The following ALKBH8 variants were observed in gnomAD, a reference collection of about 807,000 sequenced individuals.
The protein encoded by ALKBH8 is alkB homolog 8, tRNA methyltransferase.
In ALKBH8, 36 loss-of-function variants were observed where a neutral mutation model predicts 59.8. The ratio of observed to expected loss-of-function variants is 0.60; its 90% CI spans 0.46 to 0.79. The LOEUF is 0.79. Among genes scored for constraint, ALKBH8 ranks in the 30% least tolerant of loss-of-function variants. The probability of loss-of-function intolerance (pLI) is 0.00; values close to 1 mark genes in which losing one functional copy is unlikely to be tolerated. For synonymous variants in ALKBH8, 276 were observed against 273.6 expected (o/e 1.01, Z -0.09); for missense variants, 768 against 801.0 (o/e 0.96, Z 0.50).
chr11:107,533,320 AG>A (rs1863674235), intron 7 of ALKBH8, among the ~76,000 whole-genome samples: 1 of 152,228 alleles, frequency 6.6e-6, no homozygotes, highest in Non-Finnish European at 1.5e-5. Context: ...AATTCAGCAT[AG>A]TACCTTCCTT....
chr11:107,510,422 A>AG (rs1862573301), intron 11 of ALKBH8, among the ~76,000 whole-genome samples: 1 of 152,216 alleles, frequency 6.6e-6, no homozygotes, highest in Admixed American at 6.5e-5. Context: ...CAGGAAAGGA[A>AG]GAAAAACAGA....
intron 10 of ALKBH8, 55 bp downstream of exon 10, chr11:107,522,244 T>G: frequency 6.6e-7 from 1 of 1,525,562 alleles, no homozygotes. Flanking sequence ...GGAAGAAAGA[T>G]GATGATAACC....
At chr11:107,562,090 G>A (rs1021131456) in intron 1 of ALKBH8, among the ~76,000 whole-genome samples, 1 of 152,074 alleles carries the variant, frequency 6.6e-6, no homozygotes, top group East Asian at 1.9e-4. Flanking sequence ...TTGAGGTCAG[G>A]AGTTCAAGAC....
At chr11:107,524,784 T>C (rs1056829000) in intron 9 of ALKBH8, among the ~76,000 whole-genome samples, 1 of 152,160 alleles carries the variant, frequency 6.6e-6, no homozygotes, top group East Asian at 1.9e-4. Flanking sequence ...TGTTGGTAGA[T>C]ACCACCCATA....
At chr11:107,559,796 T>G (rs772959250) in intron 2 of ALKBH8, among the ~76,000 whole-genome samples, 8 of 152,194 alleles carry the variant, frequency 5.3e-5, no homozygotes, top group Admixed American at 6.5e-5. Context: ...AGACTGCTCA[T>G]TCTCAAGCTA....
In ALKBH8 at chr11:107,551,846, G is replaced by A. The variant is rs746406369; in HGVS notation, c.662C>T (p.Pro221Leu). 6.4e-7 allele frequency: 1 copy of A among 1,554,172 alleles called. No individual in the cohort carries two copies. Among genetic ancestry groups the A allele is most frequent in the Non-Finnish European group, 8.6e-7 (1 of 1,157,044 alleles). ...ATACTGATTTATGGTCATTTGATCA[G>A]GTTTATGTTTAATGTAACCTTTCCT... is the stretch of plus-strand genomic sequence containing the variant. Reference protein sequence around the residue: ...WLRKGYIKHKPDQMTINQYEP... With the variant: ...WLRKGYIKHKLDQMTINQYEP... The change falls in exon 6 of 12, where the codon CCT (proline) becomes CTT (leucine). Residue 221 changes from proline to leucine, a missense_variant. Physicochemically the swap from Pro to Leu is moderately conservative, Grantham distance 98. Coordinates refer to ENST00000428149, the MANE Select transcript of ALKBH8 (RefSeq NM_138775.3).
intron 7 of ALKBH8, among the ~76,000 whole-genome samples, chr11:107,534,243 A>G (rs371097803): frequency 2.6e-5 from 4 of 152,226 alleles, no homozygotes; most frequent in South Asian, 2.1e-4. Context: ...TTTTGTTAAT[A>G]GAAGCCAAGG....
At chr11:107,540,391 T>C (rs1287596947) in intron 7 of ALKBH8, among the ~76,000 whole-genome samples, 1 of 152,220 alleles carries the variant, frequency 6.6e-6, no homozygotes, top group African/African-American at 2.4e-5. Flanking sequence ...CTTTGAACTG[T>C]TTTGTCTAGC....
chr11:107,524,380 TAAAAA>T (rs150871160), intron 9 of ALKBH8, among the ~76,000 whole-genome samples: 8 of 151,464 alleles, frequency 5.3e-5, no homozygotes, highest in Non-Finnish European at 1.0e-4. Context: ...TTATTCATCT[TAAAAA>T]AAAATCTGTA....
At chr11:107,512,763 G>A (rs1429672947) in intron 10 of ALKBH8, among the ~76,000 whole-genome samples, 1 of 152,132 alleles carries the variant, frequency 6.6e-6, no homozygotes, top group African/African-American at 2.4e-5. Context: ...TTGATATAAT[G>A]AGCACTGATC....
intron 3 of ALKBH8, among the ~76,000 whole-genome samples, chr11:107,554,731 T>C (rs992529464): frequency 6.6e-6 from 1 of 152,198 alleles, no homozygotes; most frequent in Non-Finnish European, 1.5e-5. Flanking sequence ...TTCAGAAACA[T>C]GAATAGTAAA....
At chr11:107,510,433 A>G (rs974012372) in intron 11 of ALKBH8, among the ~76,000 whole-genome samples, 1 of 152,184 alleles carries the variant, frequency 6.6e-6, no homozygotes, top group African/African-American at 2.4e-5. Flanking sequence ...GAAAAACAGA[A>G]TGGGAAAGAA....
chr11:107,512,789 A>T lies in ALKBH8; in HGVS notation c.1288-1753T>A, dbSNP rs895872296. Among the ~76,000 whole-genome samples, 4 of 152,206 alleles carry T rather than the reference A, an allele frequency of 2.6e-5. No individual in the cohort carries two copies. The East Asian group carries it at 7.7e-4, about 29-fold the overall frequency. ...AGCACTGATCCTAGGGCTGATCCTC[A>T]GCCCTTCTGAGAATAAAGACTATGA... is the stretch of plus-strand genomic sequence containing the variant. On this transcript the variant is annotated intron_variant, in intron 10 of 11. Transcript: ENST00000428149.
intron 2 of ALKBH8, among the ~76,000 whole-genome samples, chr11:107,559,200 G>A (rs1864837656): frequency 1.3e-5 from 2 of 152,174 alleles, no homozygotes. Flanking sequence ...ACGTGGAACT[G>A]TGGGTTCATT....
At chr11:107,565,273 T>A in intron 1 of ALKBH8, 1 of 456,558 alleles carries the variant, frequency 2.2e-6, no homozygotes, top group Non-Finnish European at 4.0e-6. Context: ...AGACCGATTG[T>A]CACCGGTCAG....
intron 8 of ALKBH8, among the ~76,000 whole-genome samples, chr11:107,525,797 T>C (rs1386452639): frequency 1.3e-5 from 2 of 151,860 alleles, no homozygotes; most frequent in South Asian, 2.1e-4. Flanking sequence ...ATTAAAAGAA[T>C]GTACAACAAA....
intron 10 of ALKBH8, among the ~76,000 whole-genome samples, chr11:107,517,645 T>G (rs1862921787): frequency 6.6e-6 from 1 of 152,110 alleles, no homozygotes; most frequent in South Asian, 2.1e-4. Flanking sequence ...TTAGGTTAAG[T>G]GAAATAAGCC....
intron 8 of ALKBH8, among the ~76,000 whole-genome samples, 160 bp from the exon 9 acceptor site, chr11:107,525,752 A>G (rs937649547): frequency 2.0e-5 from 3 of 152,074 alleles, no homozygotes; most frequent in Admixed American, 1.3e-4. Flanking sequence ...CAAAGAAATA[A>G]AGGTATTTAA....
chr11:107,536,453 C>T (rs139866539), intron 7 of ALKBH8, among the ~76,000 whole-genome samples: 2 of 152,156 alleles, frequency 1.3e-5, no homozygotes, highest in Non-Finnish European at 2.9e-5. Flanking sequence ...AAAGAAAGAG[C>T]TCAGAGTAGT....
Sources: gnomAD v4.1 joint callset for allele counts (sites outside exome capture counted in the v4.1 genomes callset) on GRCh38, gnomAD v4.1.1 for gene constraint, MANE v1.5 for transcripts, NCBI Gene and HGNC (gene_info 2026-07-23, HGNC 2026-07-21) for gene names.